The following PTPRN2 variants were observed in gnomAD, a reference collection of about 807,000 sequenced individuals.
The protein encoded by PTPRN2 is receptor-type tyrosine-protein phosphatase N2.
PTPRN2 carries 74 observed loss-of-function variants against 118.8 expected under a neutral mutation model. The observed-to-expected ratio is 0.62, with a 90% CI of 0.52 to 0.76. PTPRN2 has a LOEUF of 0.76. Among genes scored for constraint, PTPRN2 ranks in the 30% least tolerant of loss-of-function variants. The probability of loss-of-function intolerance (pLI) is 0.00; values close to 1 mark genes in which losing one functional copy is unlikely to be tolerated. For missense variants in PTPRN2, 1,481 were observed against 1,394.4 expected (o/e 1.06, Z -0.99); for synonymous variants, 641 against 608.0 (o/e 1.05, Z -0.80).
intron 13 of PTPRN2, among the ~76,000 whole-genome samples, 191 bp downstream of exon 13, chr7:157,682,534 G>A (rs984577709): frequency 2.6e-5 from 4 of 152,174 alleles, no homozygotes; most frequent in Non-Finnish European, 5.9e-5. Context: ...CGGATACAGA[G>A]CTGCACAACT....
intron 3 of PTPRN2, among the ~76,000 whole-genome samples, chr7:158,261,593 C>A (rs13222149): frequency 0.11 from 16,617 of 152,128 alleles, 989 homozygotes; most frequent in African/African-American, 0.15. Flanking sequence ...GCCACCCATC[C>A]TGAGCCAGAA....
intron 9 of PTPRN2, among the ~76,000 whole-genome samples, chr7:158,129,535 A>C (rs1818001063): frequency 6.6e-6 from 1 of 151,060 alleles, no homozygotes; most frequent in African/African-American, 2.5e-5. Context: ...TACAACACAC[A>C]CTACACACAA....
At chr7:158,164,800 G>T (rs147733388) in intron 6 of PTPRN2, among the ~76,000 whole-genome samples, 327 of 152,298 alleles carry the variant, frequency 2.1e-3, no homozygotes, top group Non-Finnish European at 3.5e-3. Flanking sequence ...GTATAGAGGT[G>T]GGAGAATGCA....
At chr7:158,042,456 C>T (rs182200101) in intron 11 of PTPRN2, among the ~76,000 whole-genome samples, 1 of 152,346 alleles carries the variant, frequency 6.6e-6, no homozygotes, top group East Asian at 1.9e-4. Context: ...GGGTAATGCA[C>T]TCTCTACCAC....
intron 11 of PTPRN2, among the ~76,000 whole-genome samples, chr7:158,019,682 C>A (rs1457829897): frequency 6.6e-6 from 1 of 152,206 alleles, no homozygotes; most frequent in African/African-American, 2.4e-5. Flanking sequence ...AGTTAGTGTT[C>A]AGTGGAAGAT....
chr7:158,317,408 C>T (rs1012828827), intron 2 of PTPRN2, among the ~76,000 whole-genome samples: 7 of 152,242 alleles, frequency 4.6e-5, no homozygotes, highest in African/African-American at 1.4e-4. Flanking sequence ...GAGGCAAGCA[C>T]GGCTTCCCGG....
intron 2 of PTPRN2, among the ~76,000 whole-genome samples, chr7:158,469,805 G>C (rs183821402): frequency 2.0e-5 from 3 of 151,764 alleles, no homozygotes; most frequent in Non-Finnish European, 4.4e-5. Flanking sequence ...TAAAAGAATT[G>C]GGAGCTGGGA....
chr7:158,400,945 C>T lies in PTPRN2; in HGVS notation c.164-84013G>A, dbSNP rs139976881. Among the ~76,000 whole-genome samples the T allele has an allele frequency of 3.3e-3, 505 of 152,156 alleles. 3 individuals carry two copies. The highest frequency in any genetic ancestry group is 9.6e-3 in the South Asian group (46 of 4,808). On this transcript the variant is annotated intron_variant, in intron 2 of 22. Coordinates refer to ENST00000389418, the MANE Select transcript of PTPRN2 (RefSeq NM_002847.5). ...AAAGAACATCCTGTAAAGAACCTCA[C>T]GAGGAAAGCCGAGCAGACAGCAAAC...
At chr7:158,129,564 C>G (rs1219891250) in intron 9 of PTPRN2, among the ~76,000 whole-genome samples, 1 of 150,860 alleles carries the variant, frequency 6.6e-6, no homozygotes, top group Non-Finnish European at 1.5e-5. Context: ...CAACACATAC[C>G]ACATGCAACA....
chr7:157,692,680 A>C (rs905941254), intron 12 of PTPRN2, among the ~76,000 whole-genome samples: 1 of 152,166 alleles, frequency 6.6e-6, no homozygotes, highest in East Asian at 1.9e-4. Context: ...AGCGGGCTGC[A>C]GGAGGCCCGG....
intron 11 of PTPRN2, among the ~76,000 whole-genome samples, chr7:157,943,661 A>G (rs547525174): frequency 8.1e-6 from 1 of 123,402 alleles, no homozygotes; most frequent in African/African-American, 3.1e-5. Flanking sequence ...CCCCACCCCC[A>G]GGATACTGAA....
At position 157,591,133 on chromosome 7, in the gene PTPRN2, C is replaced by T. The variant is rs559500794; in HGVS notation, c.2496+4105G>A. Among the ~76,000 whole-genome samples the T allele has an allele frequency of 2.6e-5, 4 of 152,194 alleles. No homozygotes were observed. The highest frequency in any genetic ancestry group is 2.9e-5 in the Non-Finnish European group (2 of 68,008). On this transcript the variant is annotated intron_variant, in intron 17 of 22. Transcript: ENST00000389418. This position sits in a 1 kb window ranked among gnomAD's most constrained non-coding sequence, Gnocchi z 4.4. The stretch of plus-strand genomic sequence containing the variant: ...AAATTTGGACCCTGACATAAATCCA[C>T]GGTGGGGAAAAGCTGTGTGACAGGG...
rs571827562 is a variant in PTPRN2, at chr7:157,766,298, C to T, written c.1789-83361G>A. ...TCCATTCACCCACACATCCATCATC[C>T]ATTCTTCTTACATCCATCCACCCAT... is the stretch of plus-strand genomic sequence containing the variant. On this transcript the variant is annotated intron_variant, in intron 12 of 22. Coordinates refer to ENST00000389418, the MANE Select transcript of PTPRN2 (RefSeq NM_002847.5). Among the ~76,000 whole-genome samples the T allele has an allele frequency of 8.6e-5, 13 of 151,220 alleles. No individual in the cohort carries two copies. In the South Asian group the frequency reaches 2.7e-3, roughly 32 times the overall value.
At chr7:157,559,688 C>G (rs221284) in intron 21 of PTPRN2, among the ~76,000 whole-genome samples, 145,491 of 152,262 alleles carry the variant, frequency 0.96, 69,632 homozygotes, top group Middle Eastern at 1. Context: ...AGCTGTGTCT[C>G]CAACGGGAAC....
intron 11 of PTPRN2, among the ~76,000 whole-genome samples, chr7:157,994,512 A>AAC: frequency 6.7e-6 from 1 of 150,260 alleles, no homozygotes; most frequent in African/African-American, 2.5e-5. Context: ...TCCTAAAATC[A>AAC]GCACCGCATC....
At chr7:158,323,948 C>T (rs1013070576) in intron 2 of PTPRN2, among the ~76,000 whole-genome samples, 5 of 149,064 alleles carry the variant, frequency 3.4e-5, no homozygotes, top group African/African-American at 1.0e-4. Flanking sequence ...CACGCACCCA[C>T]GTGAACATTC....
intron 6 of PTPRN2, among the ~76,000 whole-genome samples, chr7:158,143,241 C>T (rs537766282): frequency 8.5e-5 from 13 of 152,276 alleles, no homozygotes; most frequent in East Asian, 3.9e-4. Context: ...GAAAAGTAGG[C>T]GGCCACAGGC....
chr7:158,109,726 G>C (rs1816050485), intron 10 of PTPRN2, among the ~76,000 whole-genome samples: 1 of 151,916 alleles, frequency 6.6e-6, no homozygotes, highest in African/African-American at 2.4e-5. Context: ...CGTCACCCCT[G>C]TGTGATGAGT....
chr7:157,576,000 T>TC (rs1316812213), intron 19 of PTPRN2, among the ~76,000 whole-genome samples: 1 of 152,254 alleles, frequency 6.6e-6, no homozygotes, highest in Non-Finnish European at 1.5e-5. Context: ...TGCTTTTTTT[T>TC]CATTGTCAAT....
Sources: allele counts gnomAD v4.1 joint callset (sites outside exome capture counted in the v4.1 genomes callset), GRCh38; gene constraint gnomAD v4.1.1; non-coding constraint Gnocchi (gnomAD v3.1); transcripts MANE v1.5; gene names NCBI Gene and HGNC (gene_info 2026-07-23, HGNC 2026-07-21).